Variants in MAGI1 observed in about 807,000 individuals in gnomAD.
MAGI1 encodes the protein membrane associated guanylate kinase, WW and PDZ domain containing 1.
A neutral mutation model predicts 139.9 loss-of-function variants in MAGI1; 58 were observed. The observed-to-expected ratio is 0.41, with a 90% CI of 0.34 to 0.52. MAGI1 has a LOEUF of 0.52. Among genes scored for constraint, MAGI1 ranks in the 20% least tolerant of loss-of-function variants. MAGI1 has a pLI of 0.12. For missense variants in MAGI1, 1,874 were observed against 1,901.6 expected (o/e 0.99, Z 0.27); for synonymous variants, 812 against 737.9 (o/e 1.10, Z -1.63).
At chr3:65,461,103 A>G (rs775783867) in intron 5 of MAGI1, among the ~76,000 whole-genome samples, 4 of 152,184 alleles carry the variant, frequency 2.6e-5, no homozygotes, top group Admixed American at 1.3e-4. Flanking sequence ...TTCTAGTTGT[A>G]TATCCTGGAG....
At chr3:65,551,235 G>A (rs1013597063) in intron 2 of MAGI1, among the ~76,000 whole-genome samples, 13 of 152,198 alleles carry the variant, frequency 8.5e-5, no homozygotes, top group South Asian at 2.1e-4. Flanking sequence ...CCCTTCTGCC[G>A]TGATTCTAAG....
intron 1 of MAGI1, among the ~76,000 whole-genome samples, chr3:65,871,288 T>G (rs2108488783): frequency 6.6e-6 from 1 of 152,218 alleles, no homozygotes; most frequent in South Asian, 2.1e-4. Context: ...CAGGTAACAC[T>G]GAATGCCTCA....
At chr3:65,377,676 A>C (rs1942660355) in intron 17 of MAGI1, among the ~76,000 whole-genome samples, 1 of 152,208 alleles carries the variant, frequency 6.6e-6, no homozygotes, top group Admixed American at 6.5e-5. Context: ...TTAAGCAAGA[A>C]AGTCTCTGAA....
intron 1 of MAGI1, among the ~76,000 whole-genome samples, chr3:65,966,743 G>A (rs2064766477): frequency 6.6e-6 from 1 of 152,188 alleles, no homozygotes; most frequent in Admixed American, 6.5e-5. Flanking sequence ...GGGATAATCT[G>A]CTTAAGGTGG....
chr3:65,594,208 A>G (rs78566217), intron 2 of MAGI1, among the ~76,000 whole-genome samples: 10,524 of 152,262 alleles, frequency 0.069, 760 homozygotes, highest in African/African-American at 0.18. Flanking sequence ...TCATCAACTC[A>G]CTAGATTCTT....
intron 1 of MAGI1, among the ~76,000 whole-genome samples, chr3:65,859,267 C>G (rs1385096685): frequency 6.6e-6 from 1 of 150,826 alleles, no homozygotes; most frequent in Non-Finnish European, 1.5e-5. Context: ...CAGGAGGTAC[C>G]TGGGTGACAA....
At chr3:65,825,657 A>G (rs1376922713) in intron 1 of MAGI1, among the ~76,000 whole-genome samples, 1 of 152,182 alleles carries the variant, frequency 6.6e-6, no homozygotes, top group Non-Finnish European at 1.5e-5. Context: ...ATATTCATCA[A>G]TGAGGAAAGG....
intron 2 of MAGI1, among the ~76,000 whole-genome samples, chr3:65,557,111 C>T (rs2080122321): frequency 6.6e-6 from 1 of 152,148 alleles, no homozygotes; most frequent in African/African-American, 2.4e-5. Flanking sequence ...ATTAATGAGC[C>T]CCATTTCCTG....
At chr3:65,769,766 T>A (rs1366825189) in intron 1 of MAGI1, among the ~76,000 whole-genome samples, 1 of 152,200 alleles carries the variant, frequency 6.6e-6, no homozygotes, top group African/African-American at 2.4e-5. Context: ...GTGCCTACTA[T>A]CTCTATGTAA....
chr3:65,631,545 G>A (rs752794243), intron 1 of MAGI1, among the ~76,000 whole-genome samples: 1 of 152,044 alleles, frequency 6.6e-6, no homozygotes, highest in Non-Finnish European at 1.5e-5. Flanking sequence ...GTGTACTTCT[G>A]ATTATCTTCT....
chr3:65,501,224 T>C (rs1305967122), intron 2 of MAGI1, among the ~76,000 whole-genome samples: 1 of 152,124 alleles, frequency 6.6e-6, no homozygotes, highest in Non-Finnish European at 1.5e-5. Context: ...CACATATCTA[T>C]AATCCCAGCA....
At chr3:65,487,423 A>C (rs1162458756) in intron 3 of MAGI1, among the ~76,000 whole-genome samples, 1 of 152,238 alleles carries the variant, frequency 6.6e-6, no homozygotes, top group Non-Finnish European at 1.5e-5. Context: ...CTACAAAAGA[A>C]GCATTACTTT....
chr3:65,676,597 A>C (rs148022035), intron 1 of MAGI1, among the ~76,000 whole-genome samples: 22 of 152,346 alleles, frequency 1.4e-4, no homozygotes, highest in African/African-American at 4.8e-4. Flanking sequence ...ATCTCCATCA[A>C]AGGAGAAACT....
Position 65,356,550 on chromosome 3 carries a change from G to C in MAGI1, c.4217C>G (p.Ser1406Cys). The C allele has an allele frequency of 6.2e-7, 1 of 1,609,050 alleles. No homozygotes were observed. The highest frequency in any genetic ancestry group is 8.5e-7 in the Non-Finnish European group (1 of 1,179,592). ...GGACCGCTCTCTCCTGCGCTCGGGG[G>C]AGCGTGCGCGCCTCCGGTCGGTGGA... Reference protein sequence around the residue: ...AKSTDRRRARSPERRRERSLD... With the variant: ...AKSTDRRRARCPERRRERSLD... Residue 1406 changes from serine to cysteine, a missense_variant, in exon 23 of 23, where the codon TCC becomes TGC. Physicochemically the swap from Ser to Cys is moderately radical, Grantham distance 112. Transcript: ENST00000402939.
At chr3:65,865,710 G>A (rs1408566044) in intron 1 of MAGI1, among the ~76,000 whole-genome samples, 2 of 152,118 alleles carry the variant, frequency 1.3e-5, no homozygotes, top group Non-Finnish European at 2.9e-5. Flanking sequence ...GCGCAATCTC[G>A]GCTCACTGCA....
At chr3:65,360,044 T>C (rs1365204766) in intron 22 of MAGI1, 1 of 985,230 alleles carries the variant, frequency 1.0e-6, no homozygotes, top group Non-Finnish European at 1.2e-6. Context: ...CCTTGTCTAA[T>C]ACCCACCCTC....
intron 1 of MAGI1, among the ~76,000 whole-genome samples, chr3:65,785,936 C>T (rs978490970): frequency 2.6e-4 from 38 of 144,016 alleles, no homozygotes; most frequent in African/African-American, 9.7e-4. Context: ...GTCATCTTAA[C>T]TTTTTTTTTT....
chr3:65,988,541 C>G (rs1429733899), intron 1 of MAGI1, among the ~76,000 whole-genome samples: 1 of 152,162 alleles, frequency 6.6e-6, no homozygotes, highest in Non-Finnish European at 1.5e-5. Flanking sequence ...GTTAACCTAC[C>G]ATAGCAGAAA....
At chr3:65,692,644 G>C (rs569776192) in intron 1 of MAGI1, among the ~76,000 whole-genome samples, 2 of 152,316 alleles carry the variant, frequency 1.3e-5, no homozygotes, top group East Asian at 3.9e-4. Flanking sequence ...GTCCCACAGT[G>C]CAACTGTGTT....
Sources: gnomAD v4.1 joint callset for allele counts (sites outside exome capture counted in the v4.1 genomes callset) on GRCh38, gnomAD v4.1.1 for gene constraint, MANE v1.5 for transcripts, NCBI Gene and HGNC (gene_info 2026-07-23, HGNC 2026-07-21) for gene names.